OTOA: variants seen among roughly 807,000 people sequenced by gnomAD.
OTOA encodes cancer/testis antigen 108.
Under a neutral mutation model 110.8 loss-of-function variants are expected in OTOA, and 70 were observed. That is an observed-to-expected ratio of 0.63 (90% CI 0.52 to 0.77). The LOEUF (loss-of-function observed/expected upper bound fraction) is 0.77. Among genes scored for constraint, OTOA ranks in the 30% least tolerant of loss-of-function variants. The pLI is 0.00. For synonymous variants in OTOA, 373 were observed against 431.5 expected, an observed-to-expected ratio of 0.86 and a Z score of 1.68; for missense variants, 917 against 1,075.8, an observed-to-expected ratio of 0.85 and a Z score of 2.06.
Position 21,682,791 on chromosome 16 carries a change from A to G in OTOA, c.267+966A>G, listed in dbSNP as rs369140998. Reference sequence around the variant, plus strand: ...TCTGACATATGTCTTCATTGTTTCCATTTTTACTTATGTTTGAATGAAAAT... The same window carrying G: ...TCTGACATATGTCTTCATTGTTTCCGTTTTTACTTATGTTTGAATGAAAAT... On this transcript the variant is annotated intron_variant, in intron 6 of 28. Transcript: ENST00000646100. 3.3e-5 allele frequency among the ~76,000 whole-genome samples: 5 copies of G among 152,282 alleles called. No homozygotes were observed. In the East Asian group the frequency reaches 9.6e-4, roughly 29 times the overall value.
chr16:21,751,517 C>A, intron 24 of OTOA, among the ~76,000 whole-genome samples: 1 of 86,444 alleles, frequency 1.2e-5, no homozygotes, highest in Non-Finnish European at 2.8e-5. Flanking sequence ...AAGACTCCGT[C>A]TCCAAAAAAC....
intron 18 of OTOA, among the ~76,000 whole-genome samples, chr16:21,725,360 C>T (rs1370524886): frequency 2.0e-5 from 3 of 152,148 alleles, no homozygotes; most frequent in Non-Finnish European, 1.5e-5. Flanking sequence ...TCTCAGCTCA[C>T]TGCAACCTCT....
intron 1 of OTOA, among the ~76,000 whole-genome samples, chr16:21,666,635 T>C (rs2070491594): frequency 6.6e-6 from 1 of 152,168 alleles, no homozygotes; most frequent in Non-Finnish European, 1.5e-5. Flanking sequence ...GTGGTTATTG[T>C]TGCTGTTTTC....
chr16:21,718,626 C>T (rs1453132832), intron 15 of OTOA, among the ~76,000 whole-genome samples: 1 of 152,158 alleles, frequency 6.6e-6, no homozygotes, highest in Non-Finnish European at 1.5e-5. Context: ...TTCCTTAAAA[C>T]AAATGACTCC....
Position 21,710,019 on chromosome 16 carries a change from A to T in OTOA, c.1236A>T (p.Gly412=). The change falls in exon 13 of 29, where the codon GGA becomes GGT. Residue 412 remains glycine, a synonymous_variant. Transcript: ENST00000646100. ...LESLSPEAVH[G]AISTLNQVSG... is the part of the protein sequence containing the mutation. ...CCCTCTCCCCCGAGGCTGTGCACGG[A>T]GCCATCTCCACCCTCAACCAGGTCT... 1.9e-6 allele frequency: 3 copies of T among 1,614,070 alleles called. No homozygotes were observed. In the South Asian group the frequency reaches 3.3e-5, roughly 18 times the overall value.
intron 5 of OTOA, 139 bp downstream of exon 5, chr16:21,679,350 C>T: frequency 1.0e-6 from 1 of 1,003,974 alleles, no homozygotes; most frequent in Non-Finnish European, 1.5e-6. Context: ...TAAAAGTCAA[C>T]AAACACCCTT....
At chr16:21,701,782 C>A (rs1597822321) in intron 11 of OTOA, among the ~76,000 whole-genome samples, 1 of 151,784 alleles carries the variant, frequency 6.6e-6, no homozygotes, top group East Asian at 1.9e-4. Context: ...CCATGCCCAG[C>A]TAAATTTTTT....
chr16:21,700,851 C>G, intron 10 of OTOA, 37 bp from the exon 11 acceptor site: 2 of 1,613,132 alleles, frequency 1.2e-6, no homozygotes, highest in Non-Finnish European at 1.7e-6. Context: ...CACTTCCACC[C>G]TCCTCACTGA....
intron 17 of OTOA, among the ~76,000 whole-genome samples, chr16:21,721,733 A>G (rs376341862): frequency 6.6e-6 from 1 of 152,056 alleles, no homozygotes; most frequent in Non-Finnish European, 1.5e-5. Flanking sequence ...TCTACAAAAA[A>G]ATACAAAAAT....
At chr16:21,702,843 T>C (rs1327100046) in intron 11 of OTOA, among the ~76,000 whole-genome samples, 27 of 152,040 alleles carry the variant, frequency 1.8e-4, no homozygotes, top group Admixed American at 1.8e-3. Flanking sequence ...GCCCAGCTAA[T>C]TTCTGTATTT....
chr16:21,719,292 G>A, intron 16 of OTOA, 95 bp from the exon 17 acceptor site: 1 of 1,559,592 alleles, frequency 6.4e-7, no homozygotes, highest in Non-Finnish European at 8.8e-7. Context: ...AGTCACATCT[G>A]TAGCTTGTAT....
intron 13 of OTOA, among the ~76,000 whole-genome samples, chr16:21,713,048 T>C (rs1221566415): frequency 6.6e-6 from 1 of 151,920 alleles, no homozygotes; most frequent in Non-Finnish European, 1.5e-5. Context: ...ACTTCAGCCT[T>C]GACCCCCCAG....
intron 9 of OTOA, among the ~76,000 whole-genome samples, chr16:21,693,651 G>A (rs1161319856): frequency 2.6e-5 from 4 of 152,038 alleles, no homozygotes; most frequent in Non-Finnish European, 4.4e-5. Context: ...GCACAATCTC[G>A]GCTCACTGCA....
intron 23 of OTOA, among the ~76,000 whole-genome samples, chr16:21,741,959 C>CT (rs1181919405): frequency 4.2e-4 from 23 of 54,510 alleles, no homozygotes; most frequent in African/African-American, 7.9e-4. Context: ...GCTTTTCTTT[C>CT]TTTTTTTTTT....
intron 13 of OTOA, among the ~76,000 whole-genome samples, chr16:21,712,420 C>T (rs997668572): frequency 6.6e-6 from 1 of 151,798 alleles, no homozygotes; most frequent in Admixed American, 6.6e-5. Flanking sequence ...AACCTAGCAC[C>T]GTAATTCTAG....
Position 21,736,330 on chromosome 16 carries a change from G to T in OTOA, c.2371G>T (p.Ala791Ser). The T allele has an allele frequency of 1.2e-6, 2 of 1,614,094 alleles. No homozygotes were observed. The highest frequency in any genetic ancestry group is 1.7e-5 in the Admixed American group (1 of 60,004). ...CCTGCCCACTAAAGAATTCCTCTGG[G>T]CTGTCTTTCAGTCTGTTCGGAACAG... Reference protein sequence around the residue: ...RTLPTKEFLWAVFQSVRNSSD... With the variant: ...RTLPTKEFLWSVFQSVRNSSD... Residue 791 changes from alanine (A) to serine (S), a missense_variant, in exon 22 of 29, where the codon GCT (alanine) becomes TCT (serine). Physicochemically the swap from Ala to Ser is moderately conservative, Grantham distance 99. This residue lies in a region of OTOA where 57 missense variants were observed against 59.7 expected (regional missense o/e 0.96). Coordinates refer to ENST00000646100, the MANE Select transcript of OTOA (RefSeq NM_144672.4).
intron 10 of OTOA, among the ~76,000 whole-genome samples, chr16:21,698,610 A>G (rs1447741547): frequency 6.6e-6 from 1 of 152,184 alleles, no homozygotes; most frequent in East Asian, 1.9e-4. Flanking sequence ...TGTTTGCATC[A>G]AATGACTGGC....
chr16:21,687,108 C>G (rs1214870244), intron 7 of OTOA, among the ~76,000 whole-genome samples: 1 of 152,114 alleles, frequency 6.6e-6, no homozygotes, highest in Non-Finnish European at 1.5e-5. Context: ...CAATGGAGCC[C>G]AGACTTAAAG....
intron 5 of OTOA, 138 bp downstream of exon 5, chr16:21,679,349 A>G: frequency 3.0e-6 from 3 of 1,007,606 alleles, no homozygotes; most frequent in South Asian, 1.4e-5. Flanking sequence ...TTAAAAGTCA[A>G]CAAACACCCT....
Sources: allele counts gnomAD v4.1 joint callset (sites outside exome capture counted in the v4.1 genomes callset), GRCh38; gene constraint gnomAD v4.1.1; regional missense constraint gnomAD v4.1.1; transcripts MANE v1.5; gene names NCBI Gene and HGNC (gene_info 2026-07-23, HGNC 2026-07-21).